Variants in CTNNA3 observed in about 807,000 individuals in gnomAD.
CTNNA3 encodes the protein catenin alpha-3.
CTNNA3 carries 76 observed loss-of-function variants against 95.7 expected under a neutral mutation model. The observed-to-expected ratio is 0.79, with a 90% confidence interval of 0.66 to 0.96. The LOEUF is 0.96. Ranked by LOEUF, CTNNA3 falls within the 40% of genes least tolerant of loss-of-function variation. The pLI is 0.00. For missense variants in CTNNA3, 1,191 were observed against 1,089.8 expected, an observed-to-expected ratio of 1.09 and a Z score of -1.31; for synonymous variants, 431 against 374.4, an observed-to-expected ratio of 1.15 and a Z score of -1.74.
intron 15 of CTNNA3, among the ~76,000 whole-genome samples, chr10:66,066,728 T>G (rs2133591585): frequency 6.6e-6 from 1 of 152,298 alleles, no homozygotes; most frequent in Admixed American, 6.5e-5. Flanking sequence ...GGAAAGTGGA[T>G]TTCTTTCAGA....
At chr10:67,279,466 G>C in intron 5 of CTNNA3, among the ~76,000 whole-genome samples, 1 of 151,698 alleles carries the variant, frequency 6.6e-6, no homozygotes, top group East Asian at 1.9e-4. Context: ...TGTAAAGGGG[G>C]AAAGCGGGCT....
chr10:66,889,696 G>A (rs1845188481), intron 7 of CTNNA3, among the ~76,000 whole-genome samples: 1 of 151,950 alleles, frequency 6.6e-6, no homozygotes, highest in African/African-American at 2.4e-5. Context: ...TGAAATAAGT[G>A]AACGAGAGGG....
chr10:66,589,109 G>C (rs576664215), intron 10 of CTNNA3, among the ~76,000 whole-genome samples: 1 of 152,020 alleles, frequency 6.6e-6, no homozygotes, highest in East Asian at 1.9e-4. Context: ...CTTTTCCCTT[G>C]ATTTACATTG....
chr10:67,376,841 A>G (rs1253814384), intron 5 of CTNNA3, among the ~76,000 whole-genome samples: 1 of 152,322 alleles, frequency 6.6e-6, no homozygotes, highest in South Asian at 2.1e-4. Context: ...CTGCAGGAAA[A>G]GCCATTCCTA....
rs551145532 is a variant in CTNNA3, at chr10:66,336,032, G to T, written c.1732+43120C>A. Reference sequence around the variant, plus strand: ...CGTGCTTGTAGGACCCTCCAAGACAGGTGCGGGATATAATCTCCTGGTGTG... The same window carrying T: ...CGTGCTTGTAGGACCCTCCAAGACATGTGCGGGATATAATCTCCTGGTGTG... On this transcript the variant is annotated intron_variant, in intron 12 of 17. Coordinates refer to ENST00000433211, the MANE Select transcript of CTNNA3 (RefSeq NM_013266.4). Among the ~76,000 whole-genome samples, 115 of 152,276 alleles carry T rather than the reference G, an allele frequency of 7.6e-4. 1 individual carries two copies. The highest frequency in any genetic ancestry group is 2.1e-3 in the Admixed American group (32 of 15,304).
Position 66,979,404 on chromosome 10 carries a change from C to T in CTNNA3, c.1047+200913G>A, listed in dbSNP as rs187957162. Among the ~76,000 whole-genome samples, 180 of 152,184 alleles carry T rather than the reference C, an allele frequency of 1.2e-3. 1 individual carries two copies. Among genetic ancestry groups the T allele is most frequent in the African/African-American group, 4.2e-3 (173 of 41,518 alleles). On this transcript the variant is annotated intron_variant, in intron 7 of 17. Coordinates refer to ENST00000433211, the MANE Select transcript of CTNNA3 (RefSeq NM_013266.4). ...AGAACACACCTATGGAAGTTTTCCTCATTTTTATGTATATTTATATTAAAA... is the reference window on the plus strand; with the variant it reads ...AGAACACACCTATGGAAGTTTTCCTTATTTTTATGTATATTTATATTAAAA...
intron 13 of CTNNA3, among the ~76,000 whole-genome samples, chr10:66,246,438 C>A (rs1452354507): frequency 6.6e-6 from 1 of 152,084 alleles, no homozygotes; most frequent in Admixed American, 6.5e-5. Context: ...AGGGCCAGGG[C>A]TCCTGCTTGT....
chr10:66,585,215 T>G (rs1446175651), intron 10 of CTNNA3, among the ~76,000 whole-genome samples: 1 of 152,046 alleles, frequency 6.6e-6, no homozygotes, highest in African/African-American at 2.4e-5. Context: ...CTTCTTATAT[T>G]TGGATATCTA....
At chr10:66,041,999 C>G (rs1015955186) in intron 15 of CTNNA3, among the ~76,000 whole-genome samples, 2 of 152,208 alleles carry the variant, frequency 1.3e-5, no homozygotes, top group Non-Finnish European at 2.9e-5. Flanking sequence ...TGTTCTCAAG[C>G]TCCTTTGTCA....
chr10:66,180,405 A>G (rs2085978040), intron 13 of CTNNA3, among the ~76,000 whole-genome samples: 1 of 152,202 alleles, frequency 6.6e-6, no homozygotes, highest in African/African-American at 2.4e-5. Flanking sequence ...GTCAGAGGTC[A>G]GTATCATTGA....
At chr10:67,337,408 C>G (rs1045007924) in intron 5 of CTNNA3, among the ~76,000 whole-genome samples, 1 of 152,170 alleles carries the variant, frequency 6.6e-6, no homozygotes, top group African/African-American at 2.4e-5. Flanking sequence ...GTTGCTTCTA[C>G]TGGGTGTGCC....
intron 17 of CTNNA3, among the ~76,000 whole-genome samples, chr10:65,924,872 G>T (rs1293092240): frequency 1.3e-5 from 2 of 152,178 alleles, no homozygotes; most frequent in African/African-American, 4.8e-5. Flanking sequence ...TTACATGGTG[G>T]CAGGCAAGAG....
At chr10:66,907,912 C>T (rs890513327) in intron 7 of CTNNA3, among the ~76,000 whole-genome samples, 1 of 152,076 alleles carries the variant, frequency 6.6e-6, no homozygotes, top group African/African-American at 2.4e-5. Context: ...AAAATTAAAG[C>T]CAATCTCAAA....
intron 7 of CTNNA3, among the ~76,000 whole-genome samples, chr10:67,109,473 C>T (rs764675948): frequency 6.6e-6 from 1 of 152,188 alleles, no homozygotes; most frequent in Admixed American, 6.5e-5. Flanking sequence ...CAAGAATGCA[C>T]TTTGCATTAA....
intron 5 of CTNNA3, among the ~76,000 whole-genome samples, chr10:67,387,296 C>T (rs1024292927): frequency 2.0e-5 from 3 of 152,056 alleles, no homozygotes; most frequent in African/African-American, 4.8e-5. Flanking sequence ...AAAGGGGTGA[C>T]GGACGGCACC....
chr10:66,379,210 G>A lies in CTNNA3; in HGVS notation c.1674C>T (p.Tyr558=), dbSNP rs757471865. Residue 558 remains tyrosine, a synonymous_variant, in exon 12 of 18, where the codon TAC becomes TAT. Transcript: ENST00000433211. ...AHIVTGEMDS[Y]EPGAYTEGVM... The stretch of plus-strand genomic sequence containing the variant: ...CACCTTCCGTGTAAGCCCCTGGCTC[G>A]TAACTGTCCATTTCACCCGTGACGA... 19 of 1,614,078 alleles carry A rather than the reference G, an allele frequency of 1.2e-5. No individual in the cohort carries two copies. The highest frequency in any genetic ancestry group is 5.0e-5 in the Admixed American group (3 of 60,010).
intron 9 of CTNNA3, among the ~76,000 whole-genome samples, chr10:66,730,576 C>G (rs1247355643): frequency 7.2e-5 from 11 of 152,102 alleles, no homozygotes; most frequent in Non-Finnish European, 1.5e-4. Context: ...TGTAACAAAC[C>G]TATACATTTT....
At chr10:66,036,862 ATTTTTTTTTTT>A (rs57081880) in intron 15 of CTNNA3, among the ~76,000 whole-genome samples, 17 of 95,734 alleles carry the variant, frequency 1.8e-4, no homozygotes, top group Admixed American at 4.0e-4. Context: ...AGTAGTTCCA[ATTTTTTTTTTT>A]TTTTTTTTTT....
intron 16 of CTNNA3, among the ~76,000 whole-genome samples, chr10:65,982,231 C>G (rs1257114913): frequency 6.7e-6 from 1 of 150,066 alleles, no homozygotes; most frequent in Non-Finnish European, 1.5e-5. Flanking sequence ...AAATGGCCAA[C>G]AAGCATATGA....
Sources: allele counts gnomAD v4.1 joint callset (sites outside exome capture counted in the v4.1 genomes callset), GRCh38; gene constraint gnomAD v4.1.1; transcripts MANE v1.5; gene names NCBI Gene and HGNC (gene_info 2026-07-23, HGNC 2026-07-21).